The following HMG20A variants were observed in gnomAD, a reference collection of about 807,000 sequenced individuals.
HMG20A encodes the protein high mobility group protein 20A.
In HMG20A, 17 loss-of-function variants were observed where a neutral mutation model predicts 43.9. The observed-to-expected ratio is 0.39, with a 90% CI of 0.27 to 0.58. HMG20A has a LOEUF of 0.58. Ranked by LOEUF, HMG20A falls within the 20% of genes least tolerant of loss-of-function variation. The pLI, the probability that HMG20A is intolerant of heterozygous loss-of-function variation, is 0.59. For synonymous variants in HMG20A, 132 were observed against 147.5 expected, an observed-to-expected ratio of 0.89 and a Z score of 0.76; for missense variants, 341 against 438.2, an observed-to-expected ratio of 0.78 and a Z score of 1.98.
the HMG20A span, among the ~76,000 whole-genome samples, chr15:77,500,220 CATGAAACTAAG>C: frequency 6.6e-6 from 1 of 152,164 alleles, no homozygotes; most frequent in African/African-American, 2.4e-5. Flanking sequence ...GAATTATTAG[CATGAAACTAAG>C]ATGAAACTAA....
At chr15:77,432,843 AAG>A (rs1489684628) in intron 1 of HMG20A, among the ~76,000 whole-genome samples, 2 of 152,122 alleles carry the variant, frequency 1.3e-5, no homozygotes, top group African/African-American at 2.4e-5. Context: ...AGAAAAAAAA[AAG>A]AGCATAAATT....
At chr15:77,455,185 T>C (rs1057119082) in intron 1 of HMG20A, among the ~76,000 whole-genome samples, 2 of 151,172 alleles carry the variant, frequency 1.3e-5, no homozygotes, top group Non-Finnish European at 2.9e-5. Context: ...TCATCCCTAT[T>C]ATTGGGAAAG....
At chr15:77,461,001 A>G (rs1249521658) in intron 2 of HMG20A, among the ~76,000 whole-genome samples, 1 of 152,196 alleles carries the variant, frequency 6.6e-6, no homozygotes, top group Admixed American at 6.5e-5. Context: ...AGAAAAAGAA[A>G]AAAAAGTCAG....
At chr15:77,445,891 T>C (rs1311489392) in intron 1 of HMG20A, among the ~76,000 whole-genome samples, 1 of 152,222 alleles carries the variant, frequency 6.6e-6, no homozygotes, top group African/African-American at 2.4e-5. Flanking sequence ...TTAAAACTTA[T>C]GAATTATTTC....
At chr15:77,440,383 A>G (rs879800040) in intron 1 of HMG20A, among the ~76,000 whole-genome samples, 2 of 152,218 alleles carry the variant, frequency 1.3e-5, no homozygotes, top group Non-Finnish European at 2.9e-5. Context: ...GTTTTCTCCC[A>G]TAATTTATTT....
intron 5 of HMG20A, 119 bp downstream of exon 5, chr15:77,471,161 G>C: frequency 2.1e-6 from 2 of 955,566 alleles, no homozygotes; most frequent in Middle Eastern, 4.6e-4. Context: ...CCACTATCCA[G>C]TATTCACTTA....
intron 1 of HMG20A, among the ~76,000 whole-genome samples, chr15:77,457,563 T>G (rs2072666393): frequency 6.6e-6 from 1 of 152,236 alleles, no homozygotes; most frequent in African/African-American, 2.4e-5. Context: ...AAAATCGTTT[T>G]TCATAGTGAT....
At chr15:77,492,085 T>G in the HMG20A span, among the ~76,000 whole-genome samples, 2 of 152,256 alleles carry the variant, frequency 1.3e-5, no homozygotes, top group Admixed American at 1.3e-4. Context: ...GAATGTTTTC[T>G]AAGTGCATAA....
chr15:77,446,331 G>A (rs2073673536), intron 1 of HMG20A, among the ~76,000 whole-genome samples: 1 of 151,532 alleles, frequency 6.6e-6, no homozygotes, highest in South Asian at 2.1e-4. Context: ...AATAATAAGT[G>A]TTGTTGGGAT....
At chr15:77,444,723 A>G (rs1049332648) in intron 1 of HMG20A, among the ~76,000 whole-genome samples, 3 of 152,206 alleles carry the variant, frequency 2.0e-5, no homozygotes, top group Non-Finnish European at 4.4e-5. Flanking sequence ...TGTGAATTCT[A>G]TGGCTATGTG....
At chr15:77,440,006 C>A (rs1335092376) in intron 1 of HMG20A, among the ~76,000 whole-genome samples, 2 of 151,678 alleles carry the variant, frequency 1.3e-5, no homozygotes, top group Admixed American at 1.3e-4. Context: ...TGTATTTAGC[C>A]CCCTTTTTTA....
At chr15:77,446,834 T>C (rs2073680114) in intron 1 of HMG20A, among the ~76,000 whole-genome samples, 1 of 151,914 alleles carries the variant, frequency 6.6e-6, no homozygotes, top group African/African-American at 2.4e-5. Flanking sequence ...AGTATACATA[T>C]GTGTCTTTAC....
At chr15:77,509,415 C>T in the HMG20A span, among the ~76,000 whole-genome samples, 1 of 151,860 alleles carries the variant, frequency 6.6e-6, no homozygotes, top group African/African-American at 2.4e-5. Context: ...CCACCATGCC[C>T]AGCTAATTTT....
chr15:77,446,776 C>G (rs150867869), intron 1 of HMG20A, among the ~76,000 whole-genome samples: 4,786 of 149,044 alleles, frequency 0.032, 251 homozygotes, highest in African/African-American at 0.11. Flanking sequence ...CACTGCACTC[C>G]AGCCTGGGTG....
intron 3 of HMG20A, among the ~76,000 whole-genome samples, chr15:77,465,260 C>CAAAAAAAA (rs71145837): frequency 1.7e-5 from 1 of 59,210 alleles, no homozygotes; most frequent in Admixed American, 2.3e-4. Context: ...GACTTCGTCT[C>CAAAAAAAA]AAAAAAAAAA....
At chr15:77,494,768 T>TA in the HMG20A span, among the ~76,000 whole-genome samples, 1 of 152,034 alleles carries the variant, frequency 6.6e-6, no homozygotes, top group African/African-American at 2.4e-5. Context: ...GCTAACAACA[T>TA]AAAAAAAGAT....
At chr15:77,478,940 A>G (rs1002040954) in intron 8 of HMG20A, among the ~76,000 whole-genome samples, 6 of 152,240 alleles carry the variant, frequency 3.9e-5, no homozygotes, top group Non-Finnish European at 8.8e-5. Flanking sequence ...AAGCTGAGCG[A>G]GTCTAACCTT....
chr15:77,441,348 G>T (rs572647880), intron 1 of HMG20A, among the ~76,000 whole-genome samples: 1 of 152,072 alleles, frequency 6.6e-6, no homozygotes, highest in Non-Finnish European at 1.5e-5. Context: ...GTGTTTGTTT[G>T]TGTACATATA....
the HMG20A span, among the ~76,000 whole-genome samples, chr15:77,504,395 A>G: frequency 6.6e-6 from 1 of 152,236 alleles, no homozygotes; most frequent in African/African-American, 2.4e-5. Context: ...CTTAATTCCT[A>G]GAGTTCTCCC....
Sources: gnomAD v4.1 joint callset for allele counts (sites outside exome capture counted in the v4.1 genomes callset) on GRCh38, gnomAD v4.1.1 for gene constraint, MANE v1.5 for transcripts, NCBI Gene and HGNC (gene_info 2026-07-23, HGNC 2026-07-21) for gene names.